Variants in TBC1D5 observed in about 807,000 individuals in gnomAD.
The protein encoded by TBC1D5 is TBC1 domain family member 5, also known as TBC1 domain family, member 5.
TBC1D5 carries 75 observed loss-of-function variants against 100.3 expected under a neutral mutation model. The ratio of observed to expected loss-of-function variants is 0.75; its 90% CI spans 0.62 to 0.91. TBC1D5 has a LOEUF of 0.91. TBC1D5 is among the 40% of genes least tolerant of loss of function. The pLI is 0.00. For missense variants in TBC1D5, 910 were observed against 942.4 expected, an observed-to-expected ratio of 0.97 and a Z score of 0.45; for synonymous variants, 323 against 325.6, an observed-to-expected ratio of 0.99 and a Z score of 0.09.
intron 2 of TBC1D5, among the ~76,000 whole-genome samples, chr3:17,570,723 T>G (rs2096621897): frequency 6.6e-6 from 1 of 152,030 alleles, no homozygotes; most frequent in African/African-American, 2.4e-5. Context: ...TACACTCATG[T>G]CTATCATCTA....
chr3:17,170,707 A>C (rs1424844030), intron 19 of TBC1D5, among the ~76,000 whole-genome samples: 1 of 152,156 alleles, frequency 6.6e-6, no homozygotes, highest in Non-Finnish European at 1.5e-5. Flanking sequence ...AGAAATGTAC[A>C]GGAACACAAA....
At chr3:17,191,780 CT>C (rs529108579) in intron 18 of TBC1D5, among the ~76,000 whole-genome samples, 44 of 145,578 alleles carry the variant, frequency 3.0e-4, no homozygotes, top group East Asian at 6.0e-4. Context: ...CCACACCCGG[CT>C]TTTTTTTTTT....
At chr3:17,443,514 T>G (rs1018145547) in intron 3 of TBC1D5, among the ~76,000 whole-genome samples, 11 of 152,234 alleles carry the variant, frequency 7.2e-5, no homozygotes, top group Admixed American at 6.5e-4. Flanking sequence ...TTTAAAATCC[T>G]GCTTGTAACA....
chr3:17,673,233 C>T (rs747161597), intron 1 of TBC1D5, among the ~76,000 whole-genome samples: 4 of 151,836 alleles, frequency 2.6e-5, no homozygotes, highest in Non-Finnish European at 4.4e-5. Flanking sequence ...TTTAAAAATA[C>T]ATGTGGTGGC....
At chr3:17,287,216 C>T (rs1384529243) in intron 15 of TBC1D5, among the ~76,000 whole-genome samples, 1 of 152,132 alleles carries the variant, frequency 6.6e-6, no homozygotes, top group Non-Finnish European at 1.5e-5. Flanking sequence ...AGATTAGAGT[C>T]AGTGTGGTGA....
chr3:17,414,505 G>A (rs2149157806), intron 4 of TBC1D5, among the ~76,000 whole-genome samples: 1 of 152,174 alleles, frequency 6.6e-6, no homozygotes, highest in Admixed American at 6.5e-5. Context: ...CATTTTAAAG[G>A]TATGATTTTG....
intron 1 of TBC1D5, among the ~76,000 whole-genome samples, chr3:17,737,847 A>T (rs1244131036): frequency 6.6e-6 from 1 of 152,128 alleles, no homozygotes; most frequent in African/African-American, 2.4e-5. Flanking sequence ...AACCCAGTTA[A>T]CATCTTTTCT....
chr3:17,726,596 A>T (rs1342823545), intron 1 of TBC1D5, among the ~76,000 whole-genome samples: 2 of 152,138 alleles, frequency 1.3e-5, no homozygotes, highest in African/African-American at 4.8e-5. Context: ...TAAGTTCCTT[A>T]TTGATTCTGG....
rs2081400235 is a variant in TBC1D5 at position 17,288,622 on chromosome 3, G to A, written c.1245+3273C>T. Among the ~76,000 whole-genome samples the A allele has an allele frequency of 2.0e-5, 3 of 152,140 alleles. No individual in the cohort carries two copies. In the South Asian group the frequency reaches 6.2e-4, roughly 32 times the overall value. ...CCAGTCAGCACACACTCCCCATTCT[G>A]AGCCCATAAAAGCTCCGGACCTAGC... On this transcript the variant is annotated intron_variant, in intron 15 of 21. Transcript: ENST00000253692.
intron 13 of TBC1D5, chr3:17,338,548 C>G (rs2088316588): frequency 6.6e-6 from 1 of 152,096 alleles, no homozygotes; most frequent in South Asian, 2.1e-4. Context: ...AACACTGTGC[C>G]AAGCACAAAT....
chr3:17,503,327 C>T (rs2095807118), intron 3 of TBC1D5, among the ~76,000 whole-genome samples: 1 of 149,550 alleles, frequency 6.7e-6, no homozygotes, highest in South Asian at 2.1e-4. Flanking sequence ...TCCACCATTA[C>T]CACAGTTGGA....
chr3:17,320,716 T>A lies in TBC1D5; in HGVS notation c.996-12582A>T, dbSNP rs538153448. Among the ~76,000 whole-genome samples, 5 of 152,344 alleles carry A rather than the reference T, an allele frequency of 3.3e-5. No individual in the cohort carries two copies. The East Asian group carries it at 7.7e-4, about 24-fold the overall frequency. ...TTTGGTGCAAAACAGAGATATACATTCATGATTTACCAAAAAGCTAGTTAG... is the reference window on the plus strand; with the variant it reads ...TTTGGTGCAAAACAGAGATATACATACATGATTTACCAAAAAGCTAGTTAG... On this transcript the variant is annotated intron_variant, in intron 13 of 21. Transcript: ENST00000253692.
At chr3:17,244,715 C>T (rs2076580286) in intron 16 of TBC1D5, among the ~76,000 whole-genome samples, 1 of 152,076 alleles carries the variant, frequency 6.6e-6, no homozygotes, top group African/African-American at 2.4e-5. Flanking sequence ...CCTGTATACT[C>T]CTAACTCTGT....
chr3:17,258,950 CAT>C (rs2078013114), intron 15 of TBC1D5, among the ~76,000 whole-genome samples: 1 of 152,066 alleles, frequency 6.6e-6, no homozygotes, highest in Non-Finnish European at 1.5e-5. Context: ...GATGGAGAGA[CAT>C]AAGGTGTCAA....
intron 1 of TBC1D5, among the ~76,000 whole-genome samples, chr3:17,625,044 AT>A (rs1197134589): frequency 6.6e-6 from 1 of 152,108 alleles, no homozygotes; most frequent in African/African-American, 2.4e-5. Context: ...TGTTTAAATA[AT>A]TTTACCTTTA....
At chr3:17,545,574 G>T (rs1409959373) in intron 2 of TBC1D5, among the ~76,000 whole-genome samples, 1 of 152,164 alleles carries the variant, frequency 6.6e-6, no homozygotes, top group African/African-American at 2.4e-5. Context: ...CAACAAAAAT[G>T]AGTAACATTT....
chr3:17,577,853 A>G (rs914662751), intron 2 of TBC1D5, among the ~76,000 whole-genome samples: 3 of 152,160 alleles, frequency 2.0e-5, no homozygotes, highest in South Asian at 2.1e-4. Flanking sequence ...CATAAATAGT[A>G]TAACAGCCAA....
At chr3:17,594,495 C>A (rs1016349950) in intron 2 of TBC1D5, among the ~76,000 whole-genome samples, 1 of 152,176 alleles carries the variant, frequency 6.6e-6, no homozygotes, top group African/African-American at 2.4e-5. Flanking sequence ...ATACCAGCTA[C>A]AGAATCAATA....
chr3:17,235,430 T>G (rs1473099177), intron 17 of TBC1D5, among the ~76,000 whole-genome samples: 3 of 152,346 alleles, frequency 2.0e-5, no homozygotes, highest in African/African-American at 7.2e-5. Context: ...AGGCACTAAG[T>G]AGATGACTCT....
Sources: allele counts gnomAD v4.1 joint callset (sites outside exome capture counted in the v4.1 genomes callset), GRCh38; gene constraint gnomAD v4.1.1; transcripts MANE v1.5; gene names NCBI Gene and HGNC (gene_info 2026-07-23, HGNC 2026-07-21).